The following MYO1D variants were observed in gnomAD, a reference collection of about 807,000 sequenced individuals.
MYO1D encodes unconventional myosin-Id.
MYO1D carries 83 observed loss-of-function variants against 122.0 expected under a neutral mutation model. That is an observed-to-expected ratio of 0.68 (90% confidence interval 0.57 to 0.82). The LOEUF (loss-of-function observed/expected upper bound fraction) is 0.82. Ranked by LOEUF, MYO1D falls within the 40% of genes least tolerant of loss-of-function variation. The pLI is 0.00. For synonymous variants in MYO1D, 464 were observed against 446.9 expected, an observed-to-expected ratio of 1.04 and a Z score of -0.48; for missense variants, 1,157 against 1,269.5, an observed-to-expected ratio of 0.91 and a Z score of 1.35.
chr17:32,667,744 T>C (rs2088655842), intron 16 of MYO1D, among the ~76,000 whole-genome samples: 1 of 152,226 alleles, frequency 6.6e-6, no homozygotes. Flanking sequence ...GCCGAGTTAA[T>C]TGACCCATGA....
Position 32,605,184 on chromosome 17 carries a change from C to G in MYO1D, c.2767G>C (p.Asp923His). Residue 923 changes from aspartate to histidine, a missense_variant, in exon 21 of 22, where the codon GAC becomes CAC. Transcript: ENST00000318217. Reference sequence around the variant, plus strand: ...AGGCAGACAATGAGGTCTTTGTTGTCTTTCGTATGGAACACTACAAGTTGG... The same window carrying G: ...AGGCAGACAATGAGGTCTTTGTTGTGTTTCGTATGGAACACTACAAGTTGG... ...KDQLVVFHTKDNKDLIVCLFS... is the reference protein window; with the variant it reads ...KDQLVVFHTKHNKDLIVCLFS... 1 of 1,609,594 alleles carries G rather than the reference C, an allele frequency of 6.2e-7. No individual in the cohort carries two copies. Among genetic ancestry groups the G allele is most frequent in the Non-Finnish European group, 8.5e-7 (1 of 1,176,594 alleles).
At chr17:32,511,823 G>A (rs1050099983) in intron 21 of MYO1D, among the ~76,000 whole-genome samples, 2 of 152,060 alleles carry the variant, frequency 1.3e-5, no homozygotes, top group Non-Finnish European at 1.5e-5. Flanking sequence ...GTGGTTTGTC[G>A]GGAACGCCAT....
intron 1 of MYO1D, among the ~76,000 whole-genome samples, chr17:32,820,574 T>C (rs915832091): frequency 2.6e-5 from 4 of 152,032 alleles, no homozygotes; most frequent in African/African-American, 7.2e-5. Context: ...ATCTAAAAAG[T>C]TGAACTCAAG....
intron 20 of MYO1D, among the ~76,000 whole-genome samples, chr17:32,613,672 G>T (rs572709901): frequency 6.6e-6 from 1 of 151,346 alleles, no homozygotes; most frequent in Non-Finnish European, 1.5e-5. Flanking sequence ...TACTCGGGGG[G>T]CTGAGGCAGG....
chr17:32,873,609 A>C (rs2091202056), intron 1 of MYO1D, among the ~76,000 whole-genome samples: 1 of 152,216 alleles, frequency 6.6e-6, no homozygotes, highest in Non-Finnish European at 1.5e-5. Context: ...TGCAAAGTGA[A>C]AGGAAAGAGA....
intron 21 of MYO1D, among the ~76,000 whole-genome samples, chr17:32,564,963 TGC>T (rs1251623467): frequency 2.6e-5 from 4 of 152,238 alleles, no homozygotes; most frequent in African/African-American, 9.6e-5. Flanking sequence ...TGCTTCATAA[TGC>T]ATATAACTAG....
intron 1 of MYO1D, among the ~76,000 whole-genome samples, chr17:32,827,621 T>G (rs2090734480): frequency 6.6e-6 from 1 of 152,244 alleles, no homozygotes; most frequent in Admixed American, 6.5e-5. Context: ...AAAAAATGTT[T>G]GTATTTATTT....
At chr17:32,517,336 G>T (rs890384333) in intron 21 of MYO1D, among the ~76,000 whole-genome samples, 15 of 152,324 alleles carry the variant, frequency 9.8e-5, no homozygotes, top group African/African-American at 3.1e-4. Flanking sequence ...GAAACAATCT[G>T]AAGTGGGCTG....
intron 1 of MYO1D, among the ~76,000 whole-genome samples, chr17:32,822,592 G>C (rs2090680500): frequency 6.7e-6 from 1 of 148,558 alleles, no homozygotes; most frequent in African/African-American, 2.4e-5. Context: ...CCGCGGAGGC[G>C]GCCGCGCCGA....
chr17:32,809,747 GT>G (rs2090553037), intron 1 of MYO1D, among the ~76,000 whole-genome samples: 1 of 152,148 alleles, frequency 6.6e-6, no homozygotes, highest in African/African-American at 2.4e-5. Flanking sequence ...CCATTGGGCT[GT>G]TTTTAAAATA....
intron 21 of MYO1D, among the ~76,000 whole-genome samples, chr17:32,577,682 T>C (rs560169406): frequency 2.6e-5 from 4 of 151,444 alleles, no homozygotes; most frequent in Non-Finnish European, 4.4e-5. Context: ...GAGTTGAAAA[T>C]AGAGCATAAA....
chr17:32,544,770 G>A (rs1361049075), intron 21 of MYO1D, among the ~76,000 whole-genome samples: 1 of 152,126 alleles, frequency 6.6e-6, no homozygotes, highest in African/African-American at 2.4e-5. Flanking sequence ...TATTAAAAGA[G>A]AAAATGATCA....
At chr17:32,763,936 A>G (rs900644271) in intron 8 of MYO1D, among the ~76,000 whole-genome samples, 1 of 152,194 alleles carries the variant, frequency 6.6e-6, no homozygotes. Context: ...TAAAAATAAA[A>G]TAAGTATACC....
chr17:32,667,483 T>C (rs1451366544), intron 16 of MYO1D, among the ~76,000 whole-genome samples: 1 of 152,186 alleles, frequency 6.6e-6, no homozygotes, highest in Non-Finnish European at 1.5e-5. Context: ...TACAGATAAA[T>C]TAATAATATT....
At chr17:32,858,477 T>C (rs564989781) in intron 1 of MYO1D, among the ~76,000 whole-genome samples, 1 of 152,348 alleles carries the variant, frequency 6.6e-6, no homozygotes, top group African/African-American at 2.4e-5. Flanking sequence ...TTTTGAAGGT[T>C]ACAGGCTAGT....
At chr17:32,691,340 ACTT>A (rs2089095976) in intron 16 of MYO1D, among the ~76,000 whole-genome samples, 1 of 150,996 alleles carries the variant, frequency 6.6e-6, no homozygotes, top group East Asian at 1.9e-4. Flanking sequence ...ATCTCCACTA[ACTT>A]CTTAACATTT....
intron 1 of MYO1D, among the ~76,000 whole-genome samples, chr17:32,865,497 T>C (rs1305636853): frequency 6.6e-6 from 1 of 152,200 alleles, no homozygotes; most frequent in Non-Finnish European, 1.5e-5. Flanking sequence ...AGAGGAGGAA[T>C]AAAAGGAAAG....
intron 1 of MYO1D, among the ~76,000 whole-genome samples, chr17:32,816,962 T>G (rs992685793): frequency 1.3e-5 from 2 of 151,952 alleles, no homozygotes; most frequent in East Asian, 1.9e-4. Flanking sequence ...GAATAAAAAG[T>G]TTTTGGTGAG....
At chr17:32,738,160 T>G in intron 14 of MYO1D, 93 bp downstream of exon 14, 2 of 1,105,872 alleles carry the variant, frequency 1.8e-6, no homozygotes, top group Non-Finnish European at 2.5e-6. Flanking sequence ...ATCTACATGA[T>G]TACCTAAAAA....
Sources: allele counts gnomAD v4.1 joint callset (sites outside exome capture counted in the v4.1 genomes callset), GRCh38; gene constraint gnomAD v4.1.1; transcripts MANE v1.5; gene names NCBI Gene and HGNC (gene_info 2026-07-23, HGNC 2026-07-21).